FMN2: variants seen among roughly 807,000 people sequenced by gnomAD.
FMN2 encodes formin-2.
FMN2 carries 51 observed loss-of-function variants against 142.3 expected under a neutral mutation model. The observed-to-expected ratio is 0.36, with a 90% CI of 0.29 to 0.45. The LOEUF is 0.45. Ranked by LOEUF, FMN2 falls within the 20% of genes least tolerant of loss-of-function variation. FMN2 has a pLI of 1.00. For synonymous variants in FMN2, 882 were observed against 869.8 expected, an observed-to-expected ratio of 1.01 and a Z score of -0.25; for missense variants, 1,936 against 2,122.8, an observed-to-expected ratio of 0.91 and a Z score of 1.73.
chr1:240,404,354 C>T (rs561016453), intron 15 of FMN2, among the ~76,000 whole-genome samples: 8 of 152,198 alleles, frequency 5.3e-5, no homozygotes, highest in Non-Finnish European at 1.0e-4. Flanking sequence ...AGTAACTATC[C>T]GGAGATGAAT....
intron 14 of FMN2, among the ~76,000 whole-genome samples, chr1:240,383,626 G>A (rs997727101): frequency 6.6e-6 from 1 of 152,132 alleles, no homozygotes; most frequent in African/African-American, 2.4e-5. Context: ...AAAGGGAATA[G>A]TTATATACTG....
At chr1:240,315,119 A>G (rs1426596561) in intron 8 of FMN2, among the ~76,000 whole-genome samples, 1 of 152,194 alleles carries the variant, frequency 6.6e-6, no homozygotes, top group Non-Finnish European at 1.5e-5. Context: ...GGCTGTCTTC[A>G]AATTCCTTTA....
At chr1:240,105,406 G>C (rs1018864220) in intron 1 of FMN2, among the ~76,000 whole-genome samples, 1 of 152,022 alleles carries the variant, frequency 6.6e-6, no homozygotes, top group Non-Finnish European at 1.5e-5. Flanking sequence ...ACTGCACCCG[G>C]CCTCCATATA....
chr1:240,374,446 C>T (rs181713311), intron 14 of FMN2, among the ~76,000 whole-genome samples: 15 of 152,312 alleles, frequency 9.8e-5, no homozygotes, highest in African/African-American at 3.6e-4. Context: ...TAGCCACCTT[C>T]GTCGATTATC....
intron 1 of FMN2, among the ~76,000 whole-genome samples, chr1:240,095,443 T>C (rs186612984): frequency 3.6e-4 from 55 of 151,898 alleles, no homozygotes; most frequent in South Asian, 2.1e-4. Flanking sequence ...GGCAGTATTC[T>C]AAATAGTAGC....
intron 16 of FMN2, among the ~76,000 whole-genome samples, chr1:240,467,995 T>C (rs1189611127): frequency 6.6e-6 from 1 of 152,230 alleles, no homozygotes; most frequent in African/African-American, 2.4e-5. Flanking sequence ...TGAAGTTTCT[T>C]TTCATTATCA....
intron 15 of FMN2, among the ~76,000 whole-genome samples, chr1:240,393,304 ACAT>A (rs1184845708): frequency 6.6e-6 from 1 of 152,110 alleles, no homozygotes; most frequent in African/African-American, 2.4e-5. Context: ...AATATTTCAA[ACAT>A]TTTATTTTTA....
At chr1:240,325,029 A>G (rs917695640) in intron 8 of FMN2, among the ~76,000 whole-genome samples, 4 of 152,144 alleles carry the variant, frequency 2.6e-5, no homozygotes, top group African/African-American at 4.8e-5. Context: ...GTGCATGTCA[A>G]TCATCGCTGT....
intron 6 of FMN2, among the ~76,000 whole-genome samples, chr1:240,234,241 A>G (rs1339283797): frequency 1.3e-5 from 2 of 151,760 alleles, no homozygotes; most frequent in Admixed American, 6.6e-5. Flanking sequence ...TGCATTAACA[A>G]CCTCCTCAGG....
At chr1:240,434,727 A>T (rs1166248236) in intron 15 of FMN2, among the ~76,000 whole-genome samples, 4 of 64,796 alleles carry the variant, frequency 6.2e-5, no homozygotes, top group Non-Finnish European at 1.3e-4. Context: ...ACACCCTGCT[A>T]ATTTTTTTTT....
intron 2 of FMN2, among the ~76,000 whole-genome samples, chr1:240,160,044 AT>A (rs150735270): frequency 0.31 from 45,090 of 144,778 alleles, 7,509 homozygotes; most frequent in African/African-American, 0.44. Flanking sequence ...TCATCTTAGA[AT>A]TTTTTTTTTG....
intron 4 of FMN2, among the ~76,000 whole-genome samples, chr1:240,192,256 G>T (rs1461639130): frequency 6.6e-6 from 1 of 152,212 alleles, no homozygotes; most frequent in Admixed American, 6.5e-5. Context: ...ATGGAGTAAT[G>T]TGGAGTAGCC....
chr1:240,126,483 C>T (rs10926136), intron 2 of FMN2, among the ~76,000 whole-genome samples: 37,257 of 151,584 alleles, frequency 0.25, 5,552 homozygotes, highest in Non-Finnish European at 0.34. Flanking sequence ...CAGTTTGGGG[C>T]TCTTCACTGA....
At chr1:240,098,096 A>ATTTTTTTTTTTTTTTTTTTTT (rs1558293621) in intron 1 of FMN2, among the ~76,000 whole-genome samples, 1 of 81,194 alleles carries the variant, frequency 1.2e-5, no homozygotes, top group African/African-American at 7.1e-5. Context: ...GGTTATCTTG[A>ATTTTTTTTTTTTTTTTTTTTT]ATTTTTTTTT....
At chr1:240,242,463 C>T (rs570146356) in intron 6 of FMN2, among the ~76,000 whole-genome samples, 3 of 152,144 alleles carry the variant, frequency 2.0e-5, no homozygotes, top group Non-Finnish European at 4.4e-5. Flanking sequence ...ACCAGGAGAC[C>T]GGTATCAGGA....
intron 15 of FMN2, among the ~76,000 whole-genome samples, chr1:240,421,414 C>T (rs1674758902): frequency 6.6e-6 from 1 of 152,106 alleles, no homozygotes; most frequent in African/African-American, 2.4e-5. Context: ...TTTATTGCCA[C>T]CATTCTACAA....
At chr1:240,177,846 G>A (rs1664983643) in intron 2 of FMN2, 75 bp from the exon 3 acceptor site, 2 of 1,257,924 alleles carry the variant, frequency 1.6e-6, no homozygotes, top group Admixed American at 6.2e-5. Context: ...AAATGATTTT[G>A]CAATGTATTA....
chr1:240,167,144 C>CA (rs1046282066), intron 2 of FMN2, among the ~76,000 whole-genome samples: 8 of 151,106 alleles, frequency 5.3e-5, no homozygotes, highest in East Asian at 1.9e-4. Flanking sequence ...TAACAAAAAA[C>CA]AAAAAAAACC....
chr1:240,256,659 G>A (rs1668460401), intron 6 of FMN2, among the ~76,000 whole-genome samples: 1 of 151,806 alleles, frequency 6.6e-6, no homozygotes, highest in Non-Finnish European at 1.5e-5. Flanking sequence ...GCTGAGTCAC[G>A]AGACTCACTT....
Sources: allele counts gnomAD v4.1 joint callset (sites outside exome capture counted in the v4.1 genomes callset), GRCh38; gene constraint gnomAD v4.1.1; transcripts MANE v1.5; gene names NCBI Gene and HGNC (gene_info 2026-07-23, HGNC 2026-07-21).